Variants in PDE4D observed in about 807,000 individuals in gnomAD.
The protein encoded by PDE4D is phosphodiesterase 4D, also known as 3',5'-cyclic-AMP phosphodiesterase 4D.
PDE4D carries 24 observed loss-of-function variants against 87.4 expected under a neutral mutation model. The ratio of observed to expected loss-of-function variants is 0.27; its 90% confidence interval spans 0.20 to 0.39. PDE4D has a LOEUF of 0.39. Among genes scored for constraint, PDE4D ranks in the 10% least tolerant of loss-of-function variants. The pLI, the probability that PDE4D is intolerant of heterozygous loss-of-function variation, is 1.00. For synonymous variants in PDE4D, 384 were observed against 383.2 expected, an observed-to-expected ratio of 1.00 and a Z score of -0.02; for missense variants, 714 against 1,041.0, an observed-to-expected ratio of 0.69 and a Z score of 4.32.
chr5:59,949,303 G>A (rs983655089), intron 3 of PDE4D, among the ~76,000 whole-genome samples: 7 of 151,980 alleles, frequency 4.6e-5, no homozygotes, highest in Admixed American at 2.0e-4. Context: ...CATGGTGGCG[G>A]AAGCCTGTAT....
rs941756942 is a variant in PDE4D, at chr5:59,357,045, T to C, written c.456-141077A>G. ...GGAAGGGATGGCCAGGACTTCCTGC[T>C]GCATGACACTTGGCCTTTGCGACAG... On this transcript the variant is annotated intron_variant, in intron 1 of 14. Coordinates refer to ENST00000340635, the MANE Select transcript of PDE4D (RefSeq NM_001104631.2). The C allele has an allele frequency of 6.0e-6, 3 of 502,938 alleles. No homozygotes were observed. The African/African-American group carries it at 6.0e-5, about 10-fold the overall frequency. 31.2% of individuals were successfully genotyped at this position (502,938 alleles called of 1,614,324 possible).
At chr5:59,307,558 A>G (rs1771649704) in intron 1 of PDE4D, among the ~76,000 whole-genome samples, 1 of 152,194 alleles carries the variant, frequency 6.6e-6, no homozygotes, top group Non-Finnish European at 1.5e-5. Context: ...AAGGATATGA[A>G]CAGACACTTC....
At chr5:59,293,995 T>C (rs1179378412) in intron 1 of PDE4D, among the ~76,000 whole-genome samples, 1 of 152,206 alleles carries the variant, frequency 6.6e-6, no homozygotes, top group Non-Finnish European at 1.5e-5. Context: ...TCCTTGGAGA[T>C]CATTTCTGAG....
At position 59,934,831 on chromosome 5, in the gene PDE4D, C is replaced by A. The variant is rs558007426; in HGVS notation, c.272+53657G>T. On this transcript the variant is annotated intron_variant, in intron 3 of 16. Coordinates refer to the PDE4D transcript ENST00000502484. Reference sequence around the variant, plus strand: ...GGCATGGAGGTTGGGAGTTTCCAGGCACATTCTGGAAACAGGATTCAGGCA... The same window carrying A: ...GGCATGGAGGTTGGGAGTTTCCAGGAACATTCTGGAAACAGGATTCAGGCA... 7.6e-4 allele frequency among the ~76,000 whole-genome samples: 115 copies of A among 152,198 alleles called. 1 individual carries two copies. Among genetic ancestry groups the A allele is most frequent in the African/African-American group, 2.6e-3 (106 of 41,540 alleles).
chr5:60,345,893 A>G (rs73106781), intron 1 of PDE4D, among the ~76,000 whole-genome samples: 15,908 of 152,108 alleles, frequency 0.1, 1,638 homozygotes, highest in African/African-American at 0.27. Context: ...TGTTTTCCAG[A>G]ATAATCCAAA....
intron 1 of PDE4D, among the ~76,000 whole-genome samples, chr5:59,353,351 GT>G (rs1780829345): frequency 9.3e-6 from 1 of 107,400 alleles, no homozygotes; most frequent in African/African-American, 4.1e-5. Flanking sequence ...TTCCCAGATC[GT>G]TTTTCCCCAT....
chr5:60,297,491 G>C (rs892181374), intron 1 of PDE4D, among the ~76,000 whole-genome samples: 2 of 152,104 alleles, frequency 1.3e-5, no homozygotes, highest in Non-Finnish European at 2.9e-5. Flanking sequence ...TCAATATATC[G>C]AGAAGTATGT....
intron 1 of PDE4D, chr5:59,768,225 G>A: frequency 6.3e-7 from 1 of 1,594,548 alleles, no homozygotes; most frequent in Non-Finnish European, 8.5e-7. Context: ...CACCATTTCT[G>A]CGAGGTCTGC....
intron 1 of PDE4D, among the ~76,000 whole-genome samples, chr5:59,585,535 G>A (rs1824978843): frequency 6.6e-6 from 1 of 152,186 alleles, no homozygotes; most frequent in Non-Finnish European, 1.5e-5. Flanking sequence ...TGCTATGAAA[G>A]TCAGAATCCA....
intron 1 of PDE4D, among the ~76,000 whole-genome samples, chr5:60,200,044 C>T (rs1203399101): frequency 1.3e-5 from 2 of 151,708 alleles, no homozygotes; most frequent in Non-Finnish European, 3.0e-5. Context: ...TGGAAAATGG[C>T]ACATGAACCA....
intron 1 of PDE4D, among the ~76,000 whole-genome samples, chr5:59,569,366 T>A (rs557237394): frequency 3.9e-5 from 6 of 152,198 alleles, no homozygotes; most frequent in Non-Finnish European, 8.8e-5. Context: ...CATGGTTGCA[T>A]CTTTCAAGAA....
chr5:59,372,645 C>T (rs1398311403), intron 1 of PDE4D, among the ~76,000 whole-genome samples: 2 of 152,174 alleles, frequency 1.3e-5, no homozygotes, highest in Non-Finnish European at 2.9e-5. Flanking sequence ...CACCACCCTA[C>T]CCCCAGCCAA....
chr5:59,219,857 G>C (rs1752074198), intron 1 of PDE4D, among the ~76,000 whole-genome samples: 1 of 152,160 alleles, frequency 6.6e-6, no homozygotes, highest in Non-Finnish European at 1.5e-5. Context: ...TGTCCAGCCA[G>C]AGTAGAGCTG....
chr5:59,243,142 T>A (rs1758021948), intron 1 of PDE4D, among the ~76,000 whole-genome samples: 4 of 152,176 alleles, frequency 2.6e-5, no homozygotes, highest in Admixed American at 2.6e-4. Context: ...TAGAGTCGTA[T>A]AAGAGAGAAA....
intron 1 of PDE4D, among the ~76,000 whole-genome samples, chr5:59,360,366 G>A (rs76805397): frequency 0.013 from 2,024 of 152,246 alleles, 49 homozygotes; most frequent in African/African-American, 0.047. Flanking sequence ...TGGGTTTCAG[G>A]ATAGTGCTGT....
At chr5:60,470,725 A>G (rs1370392518) in intron 1 of PDE4D, among the ~76,000 whole-genome samples, 3 of 152,130 alleles carry the variant, frequency 2.0e-5, no homozygotes, top group East Asian at 3.9e-4. Context: ...ATGACAGCAC[A>G]TCTGTTTAAT....
At chr5:59,482,841 T>C (rs1186228331) in intron 1 of PDE4D, among the ~76,000 whole-genome samples, 2 of 152,250 alleles carry the variant, frequency 1.3e-5, no homozygotes, top group East Asian at 1.9e-4. Context: ...TAAATATACA[T>C]GGTGGGATGA....
chr5:59,124,531 G>T (rs1218906601), intron 5 of PDE4D, among the ~76,000 whole-genome samples: 1 of 152,120 alleles, frequency 6.6e-6, no homozygotes, highest in African/African-American at 2.4e-5. Context: ...CTTCTTAAAA[G>T]GGTCATTCTA....
chr5:60,130,006 T>C (rs1180694691), intron 2 of PDE4D, among the ~76,000 whole-genome samples: 4 of 152,106 alleles, frequency 2.6e-5, no homozygotes, highest in African/African-American at 9.7e-5. Flanking sequence ...ATGAAATTAG[T>C]GCCCTTATAA....
Sources: allele counts gnomAD v4.1 joint callset (sites outside exome capture counted in the v4.1 genomes callset), GRCh38; gene constraint gnomAD v4.1.1; transcripts MANE v1.5; gene names NCBI Gene and HGNC (gene_info 2026-07-23, HGNC 2026-07-21).